The following NPAS2 variants were observed in gnomAD, a reference collection of about 807,000 sequenced individuals.
NPAS2 encodes neuronal PAS domain-containing protein 2.
NPAS2 carries 23 observed loss-of-function variants against 107.5 expected under a neutral mutation model. The ratio of observed to expected loss-of-function variants is 0.21; its 90% confidence interval spans 0.15 to 0.30. NPAS2 has a LOEUF of 0.30. Among genes scored for constraint, NPAS2 ranks in the 10% least tolerant of loss-of-function variants. NPAS2 has a pLI of 1.00. For missense variants in NPAS2, 756 were observed against 1,043.3 expected (o/e 0.72, Z 3.79); for synonymous variants, 403 against 417.5 (o/e 0.97, Z 0.42).
chr2:100,990,178 A>C (rs996131314), intron 17 of NPAS2, 78 bp from the exon 18 acceptor site: 18 of 1,291,020 alleles, frequency 1.4e-5, no homozygotes, highest in Non-Finnish European at 1.9e-5. Context: ...TAGAAGGAGG[A>C]GACACTGGGA....
intron 1 of NPAS2, among the ~76,000 whole-genome samples, chr2:100,861,749 C>A (rs1013262442): frequency 2.0e-5 from 3 of 152,158 alleles, no homozygotes; most frequent in African/African-American, 7.2e-5. Context: ...GCCTTGTTTT[C>A]CCTTTGCAAT....
intron 7 of NPAS2, among the ~76,000 whole-genome samples, chr2:100,956,574 C>T (rs756387106): frequency 6.6e-5 from 10 of 152,314 alleles, no homozygotes; most frequent in South Asian, 2.1e-4. Flanking sequence ...TAGTATTCCA[C>T]GGCTAACGCG....
chr2:100,911,788 C>T (rs1301764996), intron 2 of NPAS2, among the ~76,000 whole-genome samples: 2 of 152,092 alleles, frequency 1.3e-5, no homozygotes, highest in African/African-American at 4.8e-5. Context: ...TGTACCACCA[C>T]GCCAGGCTAA....
chr2:100,873,168 C>T (rs1241481601), intron 1 of NPAS2, among the ~76,000 whole-genome samples: 21 of 147,252 alleles, frequency 1.4e-4, no homozygotes, highest in African/African-American at 5.0e-4. Context: ...CCAGAAATTG[C>T]TTGAACCCAG....
intron 3 of NPAS2, 153 bp downstream of exon 3, chr2:100,925,447 C>T: frequency 1.4e-6 from 1 of 733,462 alleles, no homozygotes; most frequent in South Asian, 2.1e-5. Flanking sequence ...ACTCCACCCT[C>T]TATCAGCCCG....
At chr2:100,904,923 C>T in intron 2 of NPAS2, 137 bp downstream of exon 2, 1 of 674,888 alleles carries the variant, frequency 1.5e-6, no homozygotes, top group South Asian at 1.8e-5. Flanking sequence ...CTCTCTGTGA[C>T]ATATTGCAGT....
intron 1 of NPAS2, among the ~76,000 whole-genome samples, chr2:100,879,531 C>T (rs1294236264): frequency 6.6e-6 from 1 of 152,096 alleles, no homozygotes; most frequent in Non-Finnish European, 1.5e-5. Flanking sequence ...CCCTGGTAAC[C>T]ACTATTTTCT....
intron 1 of NPAS2, among the ~76,000 whole-genome samples, chr2:100,852,873 A>C (rs2104484406): frequency 6.6e-6 from 1 of 152,334 alleles, no homozygotes; most frequent in African/African-American, 2.4e-5. Context: ...CTTTCTTTAA[A>C]AAAATAAAAT....
intron 1 of NPAS2, among the ~76,000 whole-genome samples, chr2:100,862,507 A>G (rs1679003619): frequency 6.6e-6 from 1 of 152,168 alleles, no homozygotes; most frequent in South Asian, 2.1e-4. Flanking sequence ...ATAGCTTGGC[A>G]GTGCAGAAGG....
intron 1 of NPAS2, among the ~76,000 whole-genome samples, chr2:100,897,028 G>A (rs971895071): frequency 6.6e-6 from 1 of 152,152 alleles, no homozygotes; most frequent in African/African-American, 2.4e-5. Flanking sequence ...ATGGCGGAAG[G>A]GGAAGCAAAC....
chr2:100,830,496 G>A (rs1676665790), intron 1 of NPAS2, among the ~76,000 whole-genome samples: 1 of 125,666 alleles, frequency 8.0e-6, no homozygotes, highest in Non-Finnish European at 1.6e-5. Flanking sequence ...AACAGGCCCT[G>A]GTGTGTGATG....
chr2:100,839,982 G>A (rs545849558), intron 1 of NPAS2, among the ~76,000 whole-genome samples: 1 of 152,290 alleles, frequency 6.6e-6, no homozygotes, highest in South Asian at 2.1e-4. Flanking sequence ...GATGCAGAGT[G>A]CGTGAAGGCA....
At chr2:100,879,162 C>A (rs13011414) in intron 1 of NPAS2, among the ~76,000 whole-genome samples, 91,874 of 151,584 alleles carry the variant, frequency 0.61, 28,948 homozygotes, top group Non-Finnish European at 0.71. Context: ...CATGAAGGTG[C>A]AATAGATCTC....
chr2:100,943,038 G>T (rs1299283836), intron 5 of NPAS2, among the ~76,000 whole-genome samples: 1 of 152,170 alleles, frequency 6.6e-6, no homozygotes, highest in Non-Finnish European at 1.5e-5. Flanking sequence ...GTTTCCTGAT[G>T]AACGTTTGCA....
chr2:100,858,222 C>T (rs1477068928), intron 1 of NPAS2, among the ~76,000 whole-genome samples: 1 of 152,172 alleles, frequency 6.6e-6, no homozygotes, highest in Non-Finnish European at 1.5e-5. Context: ...CAGCCTCTGT[C>T]TTCAGGGATG....
intron 2 of NPAS2, among the ~76,000 whole-genome samples, chr2:100,919,261 C>T (rs1683075361): frequency 6.6e-6 from 1 of 152,118 alleles, no homozygotes; most frequent in African/African-American, 2.4e-5. Context: ...GTAGAGAGCT[C>T]TCTCTCGTCT....
chr2:100,872,840 AC>A (rs1475318666), intron 1 of NPAS2, among the ~76,000 whole-genome samples: 1 of 151,418 alleles, frequency 6.6e-6, no homozygotes. Context: ...CTGATCCCTA[AC>A]CCCCTACCAC....
chr2:100,882,397 C>T (rs1319457292), intron 1 of NPAS2, among the ~76,000 whole-genome samples: 1 of 152,166 alleles, frequency 6.6e-6, no homozygotes, highest in Non-Finnish European at 1.5e-5. Flanking sequence ...ATCACAAGGT[C>T]AGGAGTTCGA....
At chr2:100,890,369 A>G (rs1680973303) in intron 1 of NPAS2, among the ~76,000 whole-genome samples, 1 of 152,108 alleles carries the variant, frequency 6.6e-6, no homozygotes, top group African/African-American at 2.4e-5. Context: ...TGGCAAACTT[A>G]GTAACGTTGA....
Sources: gnomAD v4.1 joint callset for allele counts (sites outside exome capture counted in the v4.1 genomes callset) on GRCh38, gnomAD v4.1.1 for gene constraint, MANE v1.5 for transcripts, NCBI Gene and HGNC (gene_info 2026-07-23, HGNC 2026-07-21) for gene names.